VSNL1: variants seen among roughly 807,000 people sequenced by gnomAD.
The protein encoded by VSNL1 is visinin-like protein 1.
In VSNL1, 6 loss-of-function variants were observed where a neutral mutation model predicts 20.4. The observed-to-expected ratio is 0.29, with a 90% confidence interval of 0.16 to 0.58. VSNL1 has a LOEUF of 0.58. Ranked by LOEUF, VSNL1 falls within the 20% of genes least tolerant of loss-of-function variation. The pLI is 0.90. For synonymous variants in VSNL1, 93 were observed against 86.4 expected (o/e 1.08, Z -0.42); for missense variants, 100 against 234.5 (o/e 0.43, Z 3.75).
At chr2:17,560,935 C>T (rs970188748) in intron 1 of VSNL1, among the ~76,000 whole-genome samples, 3 of 152,136 alleles carry the variant, frequency 2.0e-5, no homozygotes, top group Non-Finnish European at 4.4e-5. Context: ...AGACTATGTA[C>T]TGAGACATTT....
At chr2:17,551,113 AC>A in intron 1 of VSNL1, among the ~76,000 whole-genome samples, 1 of 152,248 alleles carries the variant, frequency 6.6e-6, no homozygotes, top group Non-Finnish European at 1.5e-5. Flanking sequence ...GTCCTCACAC[AC>A]CCCAGGATAA....
intron 2 of VSNL1, among the ~76,000 whole-genome samples, chr2:17,622,584 GAAA>G (rs1665403755): frequency 7.8e-6 from 1 of 127,918 alleles, no homozygotes; most frequent in African/African-American, 2.9e-5. Flanking sequence ...AAGAAAGAAA[GAAA>G]GAAAGAAAGA....
chr2:17,593,178 C>T lies in VSNL1; in HGVS notation c.162+942C>T, dbSNP rs541436638. ...TGCTGAAGCTGAACATTTTCTATAA[C>T]CTATGATCCAGCAATTCCATTCTTG... On this transcript the variant is annotated intron_variant, in intron 2 of 3. Transcript: ENST00000295156. 2.6e-5 allele frequency among the ~76,000 whole-genome samples: 4 copies of T among 152,198 alleles called. No homozygotes were observed. In the East Asian group the frequency reaches 7.7e-4, roughly 29 times the overall value.
intron 2 of VSNL1, among the ~76,000 whole-genome samples, chr2:17,629,406 T>C (rs1665582605): frequency 6.6e-6 from 1 of 152,230 alleles, no homozygotes; most frequent in African/African-American, 2.4e-5. Context: ...CAGCAGTCCT[T>C]CACTTAACTC....
intron 2 of VSNL1, among the ~76,000 whole-genome samples, chr2:17,595,216 C>T (rs905906807): frequency 2.8e-4 from 43 of 152,350 alleles, no homozygotes; most frequent in South Asian, 1.0e-3. Context: ...GGGCCTGCCA[C>T]GGAGCAAGTG....
intron 2 of VSNL1, among the ~76,000 whole-genome samples, chr2:17,626,551 C>T (rs981386338): frequency 6.6e-6 from 1 of 152,038 alleles, no homozygotes; most frequent in African/African-American, 2.4e-5. Context: ...GAAGCACTCC[C>T]CAACCCTTCC....
chr2:17,596,743 A>T (rs748520129), intron 2 of VSNL1, among the ~76,000 whole-genome samples: 13 of 152,058 alleles, frequency 8.5e-5, no homozygotes, highest in Middle Eastern at 3.4e-3. Flanking sequence ...AGAGTTGTTT[A>T]AAAAAAATGG....
At chr2:17,548,562 T>C (rs1390435265) in intron 1 of VSNL1, among the ~76,000 whole-genome samples, 2 of 152,256 alleles carry the variant, frequency 1.3e-5, no homozygotes, top group East Asian at 3.9e-4. Context: ...AGTCCTAATA[T>C]AGTGATGTGT....
At chr2:17,611,464 A>G (rs1409207145) in intron 2 of VSNL1, among the ~76,000 whole-genome samples, 1 of 152,252 alleles carries the variant, frequency 6.6e-6, no homozygotes, top group Non-Finnish European at 1.5e-5. Flanking sequence ...CAAAGCTTGA[A>G]TAGAGATAAG....
At chr2:17,619,743 C>T (rs2103401030) in intron 2 of VSNL1, among the ~76,000 whole-genome samples, 1 of 152,224 alleles carries the variant, frequency 6.6e-6, no homozygotes, top group Admixed American at 6.5e-5. Context: ...TTATGCATTT[C>T]CTCACCTGAG....
intron 1 of VSNL1, among the ~76,000 whole-genome samples, chr2:17,579,147 G>C (rs1045237397): frequency 1.3e-5 from 2 of 149,344 alleles, no homozygotes; most frequent in Admixed American, 1.3e-4. Flanking sequence ...ACGGAGTCTC[G>C]CTCTGTCGCC....
intron 1 of VSNL1, among the ~76,000 whole-genome samples, chr2:17,560,148 T>C (rs1663780044): frequency 6.6e-6 from 1 of 151,146 alleles, no homozygotes. Context: ...GTAAATCTTA[T>C]TGAAGAACAG....
At chr2:17,616,693 T>G (rs1301316409) in intron 2 of VSNL1, among the ~76,000 whole-genome samples, 2 of 152,252 alleles carry the variant, frequency 1.3e-5, no homozygotes, top group African/African-American at 2.4e-5. Context: ...CTTGAAAAGT[T>G]AACTGGTGAA....
chr2:17,551,522 C>T (rs1261075066), intron 1 of VSNL1, among the ~76,000 whole-genome samples: 23 of 152,128 alleles, frequency 1.5e-4, no homozygotes, highest in Admixed American at 1.5e-3. Context: ...GTAGCCAATA[C>T]TTTGATAAAG....
intron 1 of VSNL1, among the ~76,000 whole-genome samples, chr2:17,569,151 A>G (rs1465450751): frequency 6.6e-6 from 1 of 151,976 alleles, no homozygotes; most frequent in African/African-American, 2.4e-5. Flanking sequence ...TACTAAAAAT[A>G]CAAAAATTAG....
chr2:17,582,439 T>C (rs189535984), intron 1 of VSNL1, among the ~76,000 whole-genome samples: 87 of 152,226 alleles, frequency 5.7e-4, no homozygotes, highest in African/African-American at 2.0e-3. Flanking sequence ...GGTAAGACTT[T>C]AGATGGAGAA....
At chr2:17,578,554 T>C (rs1025858960) in intron 1 of VSNL1, among the ~76,000 whole-genome samples, 1 of 152,164 alleles carries the variant, frequency 6.6e-6, no homozygotes, top group Non-Finnish European at 1.5e-5. Context: ...CCAGAAGCAT[T>C]TGTCATCCCC....
At chr2:17,616,302 G>T (rs774305493) in intron 2 of VSNL1, among the ~76,000 whole-genome samples, 26 of 152,262 alleles carry the variant, frequency 1.7e-4, no homozygotes, top group Non-Finnish European at 7.3e-5. Flanking sequence ...AAGCCCAGCA[G>T]GTTCCATGTG....
intron 2 of VSNL1, among the ~76,000 whole-genome samples, chr2:17,595,483 G>T (rs139323667): frequency 2.0e-5 from 3 of 152,338 alleles, no homozygotes; most frequent in African/African-American, 7.2e-5. Flanking sequence ...AATTAATGCA[G>T]TGATGAGAGG....
Sources: allele counts gnomAD v4.1 joint callset (sites outside exome capture counted in the v4.1 genomes callset), GRCh38; gene constraint gnomAD v4.1.1; transcripts MANE v1.5; gene names NCBI Gene and HGNC (gene_info 2026-07-23, HGNC 2026-07-21).